Variants in GNAL observed in about 807,000 individuals in gnomAD.
GNAL encodes the protein guanine nucleotide-binding protein G(olf) subunit alpha.
Under a neutral mutation model 55.1 loss-of-function variants are expected in GNAL, and 18 were observed. That is an observed-to-expected ratio of 0.33 (90% CI 0.23 to 0.48). GNAL has a LOEUF of 0.48. GNAL is among the 20% of genes least tolerant of loss of function. The probability of loss-of-function intolerance (pLI) is 0.99; values close to 1 mark genes in which losing one functional copy is unlikely to be tolerated. For synonymous variants in GNAL, 253 were observed against 237.0 expected, an observed-to-expected ratio of 1.07 and a Z score of -0.62; for missense variants, 412 against 614.1, an observed-to-expected ratio of 0.67 and a Z score of 3.48.
In GNAL at chr18:11,751,904, G is replaced by C. The variant is rs73397882; in HGVS notation, c.377-949G>C. Among the ~76,000 whole-genome samples, 1,451 of 152,274 alleles carry C rather than the reference G, an allele frequency of 9.5e-3. 11 individuals carry two copies. The highest frequency in any genetic ancestry group is 0.018 in the African/African-American group (745 of 41,570). ...GCTGAGGAATAGCAGGGCGCGAGCCGGCCCGGCAGGTGCCCATCGTCGCCC... is the reference window on the plus strand; with the variant it reads ...GCTGAGGAATAGCAGGGCGCGAGCCCGCCCGGCAGGTGCCCATCGTCGCCC... On this transcript the variant is annotated intron_variant, in intron 1 of 11. Transcript: ENST00000334049. This position sits in a 1 kb window ranked among gnomAD's most constrained non-coding sequence, Gnocchi z 4.5.
At chr18:11,784,215 G>A (rs9675736) in intron 4 of GNAL, among the ~76,000 whole-genome samples, 13,252 of 152,318 alleles carry the variant, frequency 0.087, 1,032 homozygotes, top group African/African-American at 0.21. Context: ...TTGCTCTTCT[G>A]GAGACTTCAC....
At chr18:11,733,187 A>C (rs1208498494) in intron 1 of GNAL, among the ~76,000 whole-genome samples, 1 of 152,216 alleles carries the variant, frequency 6.6e-6, no homozygotes, top group Non-Finnish European at 1.5e-5. Flanking sequence ...CCTGCAATGC[A>C]CCAAGCTGCG....
At chr18:11,842,479 C>T (rs1352393186) in intron 5 of GNAL, among the ~76,000 whole-genome samples, 1 of 152,034 alleles carries the variant, frequency 6.6e-6, no homozygotes, top group Non-Finnish European at 1.5e-5. Flanking sequence ...TTATATAACT[C>T]ACCATAATGT....
chr18:11,852,005 A>T (rs774638280), intron 5 of GNAL: 1 of 1,613,702 alleles, frequency 6.2e-7, no homozygotes, highest in South Asian at 1.1e-5. Context: ...CTCGACCTCA[A>T]CATGGAGCTG....
Position 11,689,736 on chromosome 18 carries a change from A to G in GNAL, c.173A>G (p.Glu58Gly). The change falls in exon 1 of 12, where the codon GAA (glutamate) becomes GGA (glycine). Residue 58 changes from glutamate to glycine, a missense_variant. Glu to Gly is a moderately conservative substitution (Grantham distance 98). Coordinates refer to ENST00000334049, the MANE Select transcript of GNAL (RefSeq NM_182978.4). The part of the protein sequence containing the change: ...TARTLLPRGG[E>G]GSPACARPKA... Reference sequence around the variant, plus strand: ...CGGACCCTGCTCCCTCGGGGCGGCGAAGGGAGCCCGGCATGCGCTCGGCCC... The same window carrying G: ...CGGACCCTGCTCCCTCGGGGCGGCGGAGGGAGCCCGGCATGCGCTCGGCCC... 3 of 1,502,758 alleles carry G rather than the reference A, an allele frequency of 2.0e-6. No individual in the cohort carries two copies. The highest frequency in any genetic ancestry group is 1.8e-6 in the Non-Finnish European group (2 of 1,129,896). The allele number at this position is 1,502,758 out of a possible 1,614,324, so 93.1% of individuals were successfully genotyped here.
chr18:11,788,171 G>C (rs2034114361), intron 4 of GNAL, among the ~76,000 whole-genome samples: 1 of 152,200 alleles, frequency 6.6e-6, no homozygotes, highest in Admixed American at 6.5e-5. Flanking sequence ...CTGTGCTTCA[G>C]AACCACCTGG....
intron 1 of GNAL, among the ~76,000 whole-genome samples, chr18:11,744,248 A>G (rs1421869209): frequency 6.6e-6 from 1 of 152,214 alleles, no homozygotes; most frequent in Non-Finnish European, 1.5e-5. Context: ...TTTACAGATG[A>G]CACTTCTAAA....
chr18:11,807,883 C>T (rs1309094031), intron 4 of GNAL, among the ~76,000 whole-genome samples: 1 of 152,086 alleles, frequency 6.6e-6, no homozygotes, highest in Admixed American at 6.5e-5. Context: ...CAGTGTTTCA[C>T]GGGGAGGGTG....
At chr18:11,748,801 C>G (rs2032747163) in intron 1 of GNAL, among the ~76,000 whole-genome samples, 1 of 152,112 alleles carries the variant, frequency 6.6e-6, no homozygotes, top group Admixed American at 6.6e-5. Flanking sequence ...TCCCACTACT[C>G]TATGCTTTTT....
At chr18:11,764,385 G>A (rs1011804461) in intron 4 of GNAL, among the ~76,000 whole-genome samples, 7 of 152,150 alleles carry the variant, frequency 4.6e-5, no homozygotes, top group African/African-American at 1.7e-4. Flanking sequence ...GGGATTACAG[G>A]CGTGAGCCAC....
chr18:11,702,613 C>G (rs974854826), intron 1 of GNAL, among the ~76,000 whole-genome samples: 1 of 152,174 alleles, frequency 6.6e-6, no homozygotes, highest in Non-Finnish European at 1.5e-5. Context: ...AGGCTTCAGT[C>G]TACAAACTGG....
At chr18:11,698,043 G>A (rs1476179397) in intron 1 of GNAL, among the ~76,000 whole-genome samples, 1 of 152,126 alleles carries the variant, frequency 6.6e-6, no homozygotes, top group Non-Finnish European at 1.5e-5. Flanking sequence ...AGGAAGGGAG[G>A]AGGGCCCAGG....
intron 1 of GNAL, among the ~76,000 whole-genome samples, chr18:11,745,060 C>T (rs2143043473): frequency 6.6e-6 from 1 of 152,300 alleles, no homozygotes; most frequent in African/African-American, 2.4e-5. Flanking sequence ...CAGTTTTCAT[C>T]TTTAATAACC....
chr18:11,747,304 A>C (rs2032709652), intron 1 of GNAL: 1 of 208,186 alleles, frequency 4.8e-6, no homozygotes, highest in South Asian at 8.1e-5. Flanking sequence ...GGAACAAAAG[A>C]AGCCTTCAGG....
intron 5 of GNAL, among the ~76,000 whole-genome samples, chr18:11,829,674 T>C (rs952737863): frequency 2.0e-5 from 3 of 152,180 alleles, no homozygotes; most frequent in African/African-American, 7.2e-5. Flanking sequence ...GTCTCATTCA[T>C]ATTTAAATGC....
intron 1 of GNAL, among the ~76,000 whole-genome samples, chr18:11,709,089 C>T (rs959363692): frequency 3.9e-5 from 6 of 152,118 alleles, no homozygotes; most frequent in African/African-American, 1.2e-4. Flanking sequence ...ATTCTTGGCA[C>T]TCTTGTCAAA....
intron 4 of GNAL, among the ~76,000 whole-genome samples, chr18:11,780,689 A>T (rs904430597): frequency 6.6e-6 from 1 of 152,184 alleles, no homozygotes; most frequent in African/African-American, 2.4e-5. Context: ...CTGTAAAATG[A>T]TTATATTAAT....
chr18:11,808,502 T>C (rs766137967), intron 4 of GNAL, among the ~76,000 whole-genome samples: 23 of 152,212 alleles, frequency 1.5e-4, no homozygotes, highest in Non-Finnish European at 2.9e-4. Context: ...CCCACCTGGA[T>C]AGGATAAATA....
rs2032810844 is a variant in GNAL at position 11,751,100 on chromosome 18, G to A, written c.377-1753G>A. ...GCACTCGACGACAGAGCTGAGCAAA[G>A]GCAAGTTAGACAGCGCAGCGCCAAG... On this transcript the variant is annotated intron_variant, in intron 1 of 11. Coordinates refer to ENST00000334049, the MANE Select transcript of GNAL (RefSeq NM_182978.4). This position sits in a 1 kb window ranked among gnomAD's most constrained non-coding sequence, Gnocchi z 4.5. Among the ~76,000 whole-genome samples the A allele has an allele frequency of 7.2e-5, 11 of 152,152 alleles. No individual in the cohort carries two copies. Among genetic ancestry groups the A allele is most frequent in the African/African-American group, 2.4e-5 (1 of 41,426 alleles).
Sources: gnomAD v4.1 joint callset for allele counts (sites outside exome capture counted in the v4.1 genomes callset) on GRCh38, gnomAD v4.1.1 for gene constraint, Gnocchi (gnomAD v3.1) non-coding constraint, MANE v1.5 for transcripts, NCBI Gene and HGNC (gene_info 2026-07-23, HGNC 2026-07-21) for gene names.